ALK: variants seen among roughly 807,000 people sequenced by gnomAD.
ALK encodes the protein ALK receptor tyrosine kinase.
ALK carries 74 observed loss-of-function variants against 163.1 expected under a neutral mutation model. That is an observed-to-expected ratio of 0.45 (90% CI 0.38 to 0.55). The LOEUF (loss-of-function observed/expected upper bound fraction) is 0.55, where lower values mean the gene tolerates loss of function less well. Ranked by LOEUF, ALK falls within the 20% of genes least tolerant of loss-of-function variation. The probability of loss-of-function intolerance (pLI) is 0.00; values close to 1 mark genes in which losing one functional copy is unlikely to be tolerated. For missense variants in ALK, 2,063 were observed against 2,105.3 expected (o/e 0.98, Z 0.39); for synonymous variants, 960 against 843.2 (o/e 1.14, Z -2.40).
Position 29,788,531 on chromosome 2 carries a change from G to C in ALK, c.668-70834C>G, listed in dbSNP as rs576238073. Reference sequence around the variant, plus strand: ...GGGACTTGGGTATTCATGAGAAAGCGAAAGGGAGGGAACTAGACAAGGACC... The same window carrying C: ...GGGACTTGGGTATTCATGAGAAAGCCAAAGGGAGGGAACTAGACAAGGACC... On this transcript the variant is annotated intron_variant, in intron 1 of 28. Transcript: ENST00000389048. 6.6e-5 allele frequency among the ~76,000 whole-genome samples: 10 copies of C among 152,300 alleles called. No individual in the cohort carries two copies. The South Asian group carries it at 1.9e-3, about 28-fold the overall frequency.
intron 3 of ALK, among the ~76,000 whole-genome samples, chr2:29,608,701 A>G (rs1406667060): frequency 6.6e-6 from 1 of 152,112 alleles, no homozygotes; most frequent in Non-Finnish European, 1.5e-5. Flanking sequence ...CGTCCTAATG[A>G]CCAGTTGTGA....
At chr2:29,634,628 A>G (rs997567517) in intron 3 of ALK, among the ~76,000 whole-genome samples, 7 of 152,204 alleles carry the variant, frequency 4.6e-5, no homozygotes, top group Non-Finnish European at 7.3e-5. Flanking sequence ...AACTTCTTCA[A>G]CTTGATAAAT....
At chr2:29,524,196 C>G (rs922892279) in intron 4 of ALK, among the ~76,000 whole-genome samples, 1 of 152,102 alleles carries the variant, frequency 6.6e-6, no homozygotes, top group African/African-American at 2.4e-5. Flanking sequence ...ATCCATCCAC[C>G]TAATATAGAA....
intron 1 of ALK, among the ~76,000 whole-genome samples, chr2:29,795,179 C>T (rs1036202979): frequency 2.0e-5 from 3 of 148,998 alleles, no homozygotes; most frequent in Non-Finnish European, 4.4e-5. Flanking sequence ...AAAATTCAGA[C>T]ACACACACAC....
At chr2:29,770,340 G>C (rs1197412442) in intron 1 of ALK, among the ~76,000 whole-genome samples, 2 of 152,210 alleles carry the variant, frequency 1.3e-5, no homozygotes, top group African/African-American at 4.8e-5. Flanking sequence ...TAAAGGTACT[G>C]ACCACAAGAT....
chr2:29,831,354 C>G (rs936454491), intron 1 of ALK, among the ~76,000 whole-genome samples: 5 of 150,302 alleles, frequency 3.3e-5, no homozygotes, highest in African/African-American at 1.2e-4. Flanking sequence ...CTCTGACCTC[C>G]CAAATCAGAA....
At chr2:29,665,737 T>C (rs1573538689) in intron 3 of ALK, among the ~76,000 whole-genome samples, 2 of 152,170 alleles carry the variant, frequency 1.3e-5, no homozygotes, top group Non-Finnish European at 2.9e-5. Context: ...GCCTACTTGA[T>C]ATTGTTTGCT....
intron 4 of ALK, among the ~76,000 whole-genome samples, chr2:29,402,991 T>C (rs899787356): frequency 6.6e-6 from 1 of 152,060 alleles, no homozygotes; most frequent in African/African-American, 2.4e-5. Flanking sequence ...TGAACCTGAG[T>C]GTGGGGGCAT....
intron 4 of ALK, among the ~76,000 whole-genome samples, chr2:29,443,627 A>T (rs1443764822): frequency 1.3e-5 from 2 of 152,086 alleles, no homozygotes; most frequent in African/African-American, 4.8e-5. Context: ...GCCTCCTGGG[A>T]GACTGACTGA....
At chr2:29,672,717 G>C (rs1023749391) in intron 3 of ALK, among the ~76,000 whole-genome samples, 6 of 152,220 alleles carry the variant, frequency 3.9e-5, no homozygotes, top group Admixed American at 3.9e-4. Context: ...CGGTCAAATG[G>C]TATTTCTACT....
chr2:29,414,609 A>T (rs1445745101), intron 4 of ALK, among the ~76,000 whole-genome samples: 1 of 152,230 alleles, frequency 6.6e-6, no homozygotes, highest in Non-Finnish European at 1.5e-5. Flanking sequence ...CTTCAAGATG[A>T]CATTGGGAAT....
chr2:29,430,078 G>T (rs532774365), intron 4 of ALK, among the ~76,000 whole-genome samples: 13 of 152,094 alleles, frequency 8.5e-5, no homozygotes, highest in African/African-American at 3.1e-4. Flanking sequence ...CAATATAAAG[G>T]CTAAAACTAT....
chr2:29,816,442 T>C (rs1182674600), intron 1 of ALK, among the ~76,000 whole-genome samples: 2 of 152,204 alleles, frequency 1.3e-5, no homozygotes, highest in Non-Finnish European at 2.9e-5. Context: ...TTATTATTAT[T>C]ATTATTATCA....
intron 1 of ALK, among the ~76,000 whole-genome samples, chr2:29,773,770 C>T (rs900696896): frequency 7.2e-5 from 11 of 152,098 alleles, no homozygotes; most frequent in South Asian, 4.2e-4. Context: ...CTTTTTAAAA[C>T]GCATCATAAA....
chr2:29,408,522 A>G (rs1260324255), intron 4 of ALK, among the ~76,000 whole-genome samples: 1 of 152,196 alleles, frequency 6.6e-6, no homozygotes, highest in African/African-American at 2.4e-5. Flanking sequence ...ACCCTGAACC[A>G]ATCTGCGAAT....
chr2:29,816,073 C>A (rs1664889882), intron 1 of ALK, among the ~76,000 whole-genome samples: 1 of 152,218 alleles, frequency 6.6e-6, no homozygotes, highest in South Asian at 2.1e-4. Flanking sequence ...TGCCTAATTT[C>A]TTCCACAAGT....
chr2:29,914,363 T>C (rs1463968294), intron 1 of ALK, among the ~76,000 whole-genome samples: 1 of 152,178 alleles, frequency 6.6e-6, no homozygotes, highest in Non-Finnish European at 1.5e-5. Context: ...GCTGCCAAGA[T>C]TGCCACACAT....
chr2:29,411,310 C>T (rs966343767), intron 4 of ALK, among the ~76,000 whole-genome samples: 1 of 152,074 alleles, frequency 6.6e-6, no homozygotes, highest in Non-Finnish European at 1.5e-5. Context: ...TGAGGCTGTT[C>T]TAGAGGAGCT....
At chr2:29,722,060 C>T (rs1281974077) in intron 1 of ALK, among the ~76,000 whole-genome samples, 1 of 152,248 alleles carries the variant, frequency 6.6e-6, no homozygotes, top group Non-Finnish European at 1.5e-5. Context: ...TGCAATCACT[C>T]CCTGCTTCTT....
Sources: allele counts gnomAD v4.1 joint callset (sites outside exome capture counted in the v4.1 genomes callset), GRCh38; gene constraint gnomAD v4.1.1; transcripts MANE v1.5; gene names NCBI Gene and HGNC (gene_info 2026-07-23, HGNC 2026-07-21).